Variants in NEURL1 observed in about 807,000 individuals in gnomAD.
The protein encoded by NEURL1 is E3 ubiquitin-protein ligase NEURL1.
In NEURL1, 26 loss-of-function variants were observed where a neutral mutation model predicts 41.2. The observed-to-expected ratio is 0.63, with a 90% CI of 0.46 to 0.87. The LOEUF (loss-of-function observed/expected upper bound fraction) is 0.87, where lower values mean the gene tolerates loss of function less well. Among genes scored for constraint, NEURL1 ranks in the 40% least tolerant of loss-of-function variants. The pLI, the probability that NEURL1 is intolerant of heterozygous loss-of-function variation, is 0.00. For synonymous variants in NEURL1, 400 were observed against 402.3 expected (o/e 0.99, Z 0.07); for missense variants, 761 against 871.1 (o/e 0.87, Z 1.59).
At chr10:103,512,425 G>T (rs888661549) in intron 1 of NEURL1, among the ~76,000 whole-genome samples, 1 of 152,198 alleles carries the variant, frequency 6.6e-6, no homozygotes, top group Admixed American at 6.5e-5. Flanking sequence ...GGGACCATTG[G>T]TCCTGGCTCT....
intron 1 of NEURL1, among the ~76,000 whole-genome samples, chr10:103,499,822 T>C (rs994165570): frequency 6.6e-6 from 1 of 151,632 alleles, no homozygotes; most frequent in African/African-American, 2.4e-5. Flanking sequence ...ATCCCAGATA[T>C]TGCCACAGCT....
At chr10:103,542,212 G>C (rs1459764411) in intron 1 of NEURL1, among the ~76,000 whole-genome samples, 1 of 152,170 alleles carries the variant, frequency 6.6e-6, no homozygotes, top group African/African-American at 2.4e-5. Flanking sequence ...CCACACTTCA[G>C]ATTTCTCTAT....
intron 1 of NEURL1, chr10:103,550,401 G>C (rs1308693465): frequency 6.6e-6 from 1 of 152,330 alleles, no homozygotes; most frequent in Non-Finnish European, 1.5e-5. Context: ...ATGCAGCTGG[G>C]GATTCTGTCA....
chr10:103,562,800 T>C (rs1400474179), intron 1 of NEURL1, among the ~76,000 whole-genome samples: 2 of 152,036 alleles, frequency 1.3e-5, no homozygotes, highest in South Asian at 2.1e-4. Flanking sequence ...AAGGCAGATA[T>C]ATAGGTGGGA....
intron 1 of NEURL1, among the ~76,000 whole-genome samples, chr10:103,521,552 T>C (rs1319810074): frequency 3.3e-5 from 5 of 152,064 alleles, no homozygotes; most frequent in African/African-American, 1.2e-4. Flanking sequence ...TCCTTAAGGA[T>C]AGATTTCCAT....
At chr10:103,498,352 G>A (rs971061865) in intron 1 of NEURL1, among the ~76,000 whole-genome samples, 2 of 152,152 alleles carry the variant, frequency 1.3e-5, no homozygotes, top group South Asian at 2.1e-4. Flanking sequence ...TCAGCCTCCC[G>A]AGTAGCTGGG....
intron 1 of NEURL1, among the ~76,000 whole-genome samples, chr10:103,562,223 A>T (rs971891656): frequency 6.6e-6 from 1 of 152,166 alleles, no homozygotes; most frequent in Non-Finnish European, 1.5e-5. Flanking sequence ...TCTCTACTAA[A>T]AATACAAAAA....
intron 3 of NEURL1, among the ~76,000 whole-genome samples, chr10:103,580,422 C>A (rs1040313948): frequency 1.3e-5 from 2 of 152,204 alleles, no homozygotes; most frequent in Non-Finnish European, 2.9e-5. Context: ...GGTTGCCCAT[C>A]TGGTTTTTCT....
At chr10:103,539,455 G>A (rs1282642177) in intron 1 of NEURL1, among the ~76,000 whole-genome samples, 1 of 152,114 alleles carries the variant, frequency 6.6e-6, no homozygotes, top group East Asian at 1.9e-4. Context: ...TCTTAAAAGA[G>A]ACTTTTCATA....
At chr10:103,583,530 C>G (rs1464712620) in intron 3 of NEURL1, among the ~76,000 whole-genome samples, 1 of 151,546 alleles carries the variant, frequency 6.6e-6, no homozygotes, top group Admixed American at 6.6e-5. Context: ...AGATGGGCAA[C>G]ATGGCGAAAT....
At chr10:103,529,577 T>C (rs535936999) in intron 1 of NEURL1, among the ~76,000 whole-genome samples, 13 of 152,366 alleles carry the variant, frequency 8.5e-5, no homozygotes, top group African/African-American at 3.1e-4. Context: ...AGTCTCCAAC[T>C]GTGTTCTGTT....
At chr10:103,546,627 T>A (rs894384771) in intron 1 of NEURL1, among the ~76,000 whole-genome samples, 5 of 152,230 alleles carry the variant, frequency 3.3e-5, no homozygotes, top group African/African-American at 1.2e-4. Context: ...AATGTTCCCA[T>A]CTAGGGTGCT....
At chr10:103,583,562 C>CA (rs1347921160) in intron 3 of NEURL1, among the ~76,000 whole-genome samples, 1 of 151,442 alleles carries the variant, frequency 6.6e-6, no homozygotes, top group Non-Finnish European at 1.5e-5. Context: ...CCCAAAAATA[C>CA]AAAAATTAGC....
At chr10:103,559,897 T>C (rs567279026) in intron 1 of NEURL1, among the ~76,000 whole-genome samples, 5 of 151,780 alleles carry the variant, frequency 3.3e-5, no homozygotes, top group African/African-American at 9.7e-5. Context: ...CACACATGCA[T>C]GCACACACAC....
chr10:103,584,704 T>A lies in NEURL1; in HGVS notation c.818T>A (p.Ile273Asn). Residue 273 changes from isoleucine to asparagine, a missense_variant, in exon 4 of 6, where the codon ATC becomes AAC. Transcript: ENST00000369780. ...DEAAPAAGCP[I>N]PQNSLNSQHS... ...GCCGCGCCGGCCGCCGGCTGCCCCATCCCGCAGAACTCACTCAACTCGCAG... is the reference window on the plus strand; with the variant it reads ...GCCGCGCCGGCCGCCGGCTGCCCCAACCCGCAGAACTCACTCAACTCGCAG... 2.8e-6 allele frequency: 4 copies of A among 1,444,750 alleles called. No homozygotes were observed. Among genetic ancestry groups the A allele is most frequent in the Non-Finnish European group, 3.6e-6 (4 of 1,103,678 alleles). 89.5% of individuals were successfully genotyped at this position (1,444,750 alleles called of 1,614,324 possible).
intron 1 of NEURL1, among the ~76,000 whole-genome samples, chr10:103,532,988 G>A (rs191445163): frequency 5.0e-4 from 62 of 124,770 alleles, no homozygotes; most frequent in Middle Eastern, 6.6e-3. Flanking sequence ...GTGCAGTGGC[G>A]TGATCTTGGC....
At chr10:103,575,787 C>G (rs2035649693) in intron 3 of NEURL1, among the ~76,000 whole-genome samples, 1 of 152,238 alleles carries the variant, frequency 6.6e-6, no homozygotes, top group Non-Finnish European at 1.5e-5. Context: ...AGGCTGGTAT[C>G]GTCAAGAATA....
At chr10:103,505,048 C>CTT (rs35244731) in intron 1 of NEURL1, among the ~76,000 whole-genome samples, 276 of 139,430 alleles carry the variant, frequency 2.0e-3, no homozygotes, top group South Asian at 4.4e-3. Flanking sequence ...TCTCCTGTAT[C>CTT]TTTTTTTTTT....
intron 1 of NEURL1, among the ~76,000 whole-genome samples, chr10:103,533,606 G>A (rs1312405870): frequency 6.6e-6 from 1 of 150,740 alleles, no homozygotes; most frequent in Non-Finnish European, 1.5e-5. Flanking sequence ...GCGCGATCTT[G>A]GCTCACTGCA....
Sources: allele counts gnomAD v4.1 joint callset (sites outside exome capture counted in the v4.1 genomes callset), GRCh38; gene constraint gnomAD v4.1.1; transcripts MANE v1.5; gene names NCBI Gene and HGNC (gene_info 2026-07-23, HGNC 2026-07-21).